DLG2: variants seen among roughly 807,000 people sequenced by gnomAD.
DLG2 encodes the protein discs large MAGUK scaffold protein 2, also known as disks large homolog 2.
DLG2 carries 45 observed loss-of-function variants against 132.5 expected under a neutral mutation model. The observed-to-expected ratio is 0.34, with a 90% CI of 0.27 to 0.44. The LOEUF is 0.44. Among genes scored for constraint, DLG2 ranks in the 20% least tolerant of loss-of-function variants. The probability of loss-of-function intolerance (pLI) is 1.00; values close to 1 mark genes in which losing one functional copy is unlikely to be tolerated. For missense variants in DLG2, 1,045 were observed against 1,196.9 expected, an observed-to-expected ratio of 0.87 and a Z score of 1.87; for synonymous variants, 424 against 419.6, an observed-to-expected ratio of 1.01 and a Z score of -0.13.
chr11:85,184,939 G>A (rs990260305), intron 4 of DLG2, among the ~76,000 whole-genome samples: 3 of 151,836 alleles, frequency 2.0e-5, no homozygotes, highest in Admixed American at 2.0e-4. Context: ...TGGCAACTGG[G>A]GAACGTGGGT....
At chr11:84,714,870 G>T (rs1040809694) in intron 6 of DLG2, among the ~76,000 whole-genome samples, 2 of 151,858 alleles carry the variant, frequency 1.3e-5, no homozygotes, top group Non-Finnish European at 2.9e-5. Context: ...TCCTTTTGCT[G>T]TTTTAGTCCT....
intron 19 of DLG2, among the ~76,000 whole-genome samples, chr11:83,570,734 A>T (rs1422129524): frequency 6.6e-6 from 1 of 152,146 alleles, no homozygotes; most frequent in African/African-American, 2.4e-5. Flanking sequence ...AGGAAGATTC[A>T]TAATGTGATA....
intron 7 of DLG2, among the ~76,000 whole-genome samples, chr11:84,458,494 TTTATA>T (rs2099071437): frequency 6.6e-6 from 1 of 150,872 alleles, no homozygotes; most frequent in Non-Finnish European, 1.5e-5. Flanking sequence ...TGGTATTTTA[TTTATA>T]TTATCTTAAA....
intron 8 of DLG2, among the ~76,000 whole-genome samples, chr11:84,229,079 A>G (rs1465700419): frequency 6.6e-6 from 1 of 152,212 alleles, no homozygotes; most frequent in East Asian, 1.9e-4. Context: ...TATCCTGGTA[A>G]GCACTCAAAT....
At chr11:85,532,107 T>A (rs1345453597) in intron 3 of DLG2, among the ~76,000 whole-genome samples, 2 of 152,204 alleles carry the variant, frequency 1.3e-5, no homozygotes, top group Non-Finnish European at 2.9e-5. Context: ...TATTTCAATA[T>A]CATAATCCCT....
At chr11:84,983,089 A>G (rs890481003) in intron 6 of DLG2, among the ~76,000 whole-genome samples, 1 of 152,210 alleles carries the variant, frequency 6.6e-6, no homozygotes, top group Non-Finnish European at 1.5e-5. Flanking sequence ...AAGGCTGGAC[A>G]GTAATGCAAA....
chr11:83,579,587 G>C (rs530900025), intron 19 of DLG2, among the ~76,000 whole-genome samples: 65 of 151,852 alleles, frequency 4.3e-4, no homozygotes, highest in Non-Finnish European at 7.8e-4. Context: ...AGTGAAAGTA[G>C]ACATTTTAAG....
At chr11:85,093,298 A>G (rs1295581401) in intron 6 of DLG2, among the ~76,000 whole-genome samples, 1 of 101,948 alleles carries the variant, frequency 9.8e-6, no homozygotes, top group Non-Finnish European at 1.8e-5. Flanking sequence ...TCATTTGGCA[A>G]GGGAGTTTTT....
intron 6 of DLG2, among the ~76,000 whole-genome samples, chr11:84,945,527 TG>T (rs1566473427): frequency 1.3e-5 from 2 of 152,230 alleles, no homozygotes; most frequent in Admixed American, 6.5e-5. Context: ...AGCATGGCAC[TG>T]GGTCTCGCCC....
chr11:83,554,061 T>C (rs929625318), intron 19 of DLG2, among the ~76,000 whole-genome samples: 11 of 152,002 alleles, frequency 7.2e-5, no homozygotes, highest in African/African-American at 2.4e-4. Flanking sequence ...GTTTTCATGT[T>C]TTGTAGAGGC....
chr11:84,414,414 A>T (rs1003293392), intron 7 of DLG2, among the ~76,000 whole-genome samples: 11 of 152,190 alleles, frequency 7.2e-5, no homozygotes, highest in African/African-American at 2.7e-4. Flanking sequence ...ACCATAAAAG[A>T]AATGGCTTAT....
At chr11:85,246,218 A>G (rs1485813093) in intron 4 of DLG2, among the ~76,000 whole-genome samples, 1 of 151,988 alleles carries the variant, frequency 6.6e-6, no homozygotes, top group African/African-American at 2.4e-5. Flanking sequence ...GAAGAACTCA[A>G]AAAATAAGTA....
intron 19 of DLG2, among the ~76,000 whole-genome samples, chr11:83,545,027 C>G (rs563403501): frequency 6.6e-6 from 1 of 152,210 alleles, no homozygotes; most frequent in African/African-American, 2.4e-5. Flanking sequence ...ATTTCTTATC[C>G]CCAAAGTCCT....
intron 11 of DLG2, among the ~76,000 whole-genome samples, chr11:84,016,443 G>C (rs1593144567): frequency 6.6e-6 from 1 of 152,048 alleles, no homozygotes; most frequent in Admixed American, 6.6e-5. Context: ...GTCTTGAATG[G>C]TATTGCCTAG....
intron 14 of DLG2, 147 bp from the exon 15 acceptor site, chr11:83,930,630 T>C: frequency 2.4e-6 from 2 of 816,914 alleles, no homozygotes; most frequent in Non-Finnish European, 3.7e-6. Context: ...ATTTTCCACT[T>C]GTAACTTTTC....
intron 6 of DLG2, among the ~76,000 whole-genome samples, chr11:84,845,576 A>G (rs1296098835): frequency 2.0e-5 from 3 of 152,072 alleles, no homozygotes; most frequent in African/African-American, 7.2e-5. Flanking sequence ...AATCTAATGG[A>G]CATCTGTTTG....
intron 7 of DLG2, among the ~76,000 whole-genome samples, chr11:84,266,408 T>C (rs1197701778): frequency 6.6e-6 from 1 of 152,204 alleles, no homozygotes; most frequent in African/African-American, 2.4e-5. Context: ...TGCCTTAAAT[T>C]GAACATCTCC....
At chr11:84,540,302 G>A (rs1185396962) in intron 6 of DLG2, among the ~76,000 whole-genome samples, 1 of 151,132 alleles carries the variant, frequency 6.6e-6, no homozygotes, top group African/African-American at 2.4e-5. Context: ...TCTGACAAAG[G>A]GCTAATATCC....
At chr11:83,533,631 G>T (rs988372025) in intron 20 of DLG2, among the ~76,000 whole-genome samples, 4 of 152,026 alleles carry the variant, frequency 2.6e-5, no homozygotes, top group African/African-American at 7.2e-5. Flanking sequence ...AATTTCAGGG[G>T]GATTTTTCAC....
Sources: gnomAD v4.1 joint callset for allele counts (sites outside exome capture counted in the v4.1 genomes callset) on GRCh38, gnomAD v4.1.1 for gene constraint, MANE v1.5 for transcripts, NCBI Gene and HGNC (gene_info 2026-07-23, HGNC 2026-07-21) for gene names.